Variants in CAMKK1 observed in about 807,000 individuals in gnomAD.
CAMKK1 encodes the protein calcium/calmodulin-dependent protein kinase kinase 1.
In CAMKK1, 20 loss-of-function variants were observed where a neutral mutation model predicts 63.5. The observed-to-expected ratio is 0.32, with a 90% confidence interval of 0.22 to 0.46. The LOEUF (loss-of-function observed/expected upper bound fraction) is 0.46, where lower values mean the gene tolerates loss of function less well. Among genes scored for constraint, CAMKK1 ranks in the 20% least tolerant of loss-of-function variants. CAMKK1 has a pLI of 1.00. For missense variants in CAMKK1, 588 were observed against 658.1 expected, an observed-to-expected ratio of 0.89 and a Z score of 1.17; for synonymous variants, 253 against 269.0, an observed-to-expected ratio of 0.94 and a Z score of 0.58.
chr17:3,865,842 T>C lies in CAMKK1; in HGVS notation c.1445+66A>G. The stretch of plus-strand genomic sequence containing the variant: ...CCCAACGACAGTGAGAGTGGGAGGA[T>C]GGGCCTCAGACCTCCCCACCCAACT... On this transcript the variant is annotated intron_variant, in intron 15 of 15. Transcript: ENST00000348335. 2.5e-6 allele frequency: 4 copies of C among 1,600,302 alleles called. No homozygotes were observed. The South Asian group carries it at 3.3e-5, about 13-fold the overall frequency.
intron 1 of CAMKK1, among the ~76,000 whole-genome samples, chr17:3,891,585 C>T (rs552558972): frequency 3.3e-5 from 5 of 152,154 alleles, no homozygotes; most frequent in Admixed American, 6.5e-5. Flanking sequence ...GGGAGGCTGA[C>T]GTGGCTGGAG....
In CAMKK1 at chr17:3,882,990, G is replaced by A. The variant is rs1305986239; in HGVS notation, c.648+52C>T. ...TAGGGGCTCCCCAGCACCAGAAGCG[G>A]CTCCCATGAGACTCAGGTGCTGGTT... is the stretch of plus-strand genomic sequence containing the variant. On this transcript the variant is annotated intron_variant, in intron 6 of 15. Transcript: ENST00000348335. The surrounding 1 kb of genome is among the most constrained non-coding windows in gnomAD (Gnocchi z 4.3). 4 of 1,602,248 alleles carry A rather than the reference G, an allele frequency of 2.5e-6. No individual in the cohort carries two copies. Among genetic ancestry groups the A allele is most frequent in the South Asian group, 1.1e-5 (1 of 90,142 alleles).
chr17:3,885,643 C>G lies in CAMKK1; in HGVS notation c.45G>C (p.Glu15Asp). ...CGATGGCTGCCACCCGTTCTACCAG[C>G]TCTGCCCGAGGATCCTGGCAGCAGA... ...PAVCCQDPRAELVERVAAIDV... is the reference protein window; with the variant it reads ...PAVCCQDPRADLVERVAAIDV... Residue 15 changes from glutamate to aspartate, a missense_variant, in exon 2 of 16, where the codon GAG becomes GAC. Glu to Asp is a conservative substitution (Grantham distance 45, BLOSUM62 2). Around this residue, in one of 3 missense-constraint regions of CAMKK1, gnomAD observed 357 missense variants for 407.4 expected, o/e 0.88. Transcript: ENST00000348335. 1 of 1,613,872 alleles carries G rather than the reference C, an allele frequency of 6.2e-7. No individual in the cohort carries two copies. The highest frequency in any genetic ancestry group is 8.5e-7 in the Non-Finnish European group (1 of 1,180,032).
chr17:3,884,562 G>C lies in CAMKK1; in HGVS notation c.361-135C>G, dbSNP rs2143881616. ...CCCCCAGGTCTCACCAAGCTTTTGA[G>C]TTTGGATGGGGAAGTTGGTGGTGCC... On this transcript the variant is annotated intron_variant, in intron 2 of 15. Coordinates refer to ENST00000348335, the MANE Select transcript of CAMKK1 (RefSeq NM_032294.3). The surrounding 1 kb of genome is among the most constrained non-coding windows in gnomAD (Gnocchi z 4.5). 1.4e-6 allele frequency: 1 copy of C among 734,848 alleles called. No individual in the cohort carries two copies. The highest frequency in any genetic ancestry group is 2.2e-6 in the Non-Finnish European group (1 of 459,628). 45.5% of individuals were successfully genotyped at this position (734,848 alleles called of 1,614,324 possible).
In CAMKK1 at chr17:3,881,073, C is replaced by T. The variant is rs9897177; in HGVS notation, c.707+554G>A. On this transcript the variant is annotated intron_variant, in intron 8 of 15. Coordinates refer to ENST00000348335, the MANE Select transcript of CAMKK1 (RefSeq NM_032294.3). ...GTGAGGGTCCCGGACCACCCAGCCC[C>T]GTGCTCATTACTCCATGTCATCTGC... Among the ~76,000 whole-genome samples the T allele has an allele frequency of 8.9e-3, 1,361 of 152,316 alleles. 6 individuals carry two copies. The highest frequency in any genetic ancestry group is 0.014 in the Non-Finnish European group (926 of 68,026).
In CAMKK1 at chr17:3,885,318, C is replaced by A; in HGVS notation, c.360+10G>T. Reference sequence around the variant, plus strand: ...GGCTCATGAACAACCCCTCGTTCTGCCCCACCAACCTCTGCATCTGAGATG... The same window carrying A: ...GGCTCATGAACAACCCCTCGTTCTGACCCACCAACCTCTGCATCTGAGATG... On this transcript the variant is annotated intron_variant, in intron 2 of 15. Coordinates refer to ENST00000348335, the MANE Select transcript of CAMKK1 (RefSeq NM_032294.3). The A allele has an allele frequency of 6.4e-7, 1 of 1,574,648 alleles. No homozygotes were observed.
At chr17:3,886,448 A>G (rs564907374) in intron 1 of CAMKK1, among the ~76,000 whole-genome samples, 1 of 152,300 alleles carries the variant, frequency 6.6e-6, no homozygotes, top group South Asian at 2.1e-4. Context: ...CCTGGCTAAC[A>G]TGGCAAAACT....
At chr17:3,877,505 G>A (rs1451391844) in intron 9 of CAMKK1, among the ~76,000 whole-genome samples, 4 of 152,116 alleles carry the variant, frequency 2.6e-5, no homozygotes, top group African/African-American at 7.2e-5. Context: ...CGCGACCATC[G>A]ACCTGTGGGC....
chr17:3,871,651 C>T (rs1292482356), intron 12 of CAMKK1, among the ~76,000 whole-genome samples: 7 of 147,844 alleles, frequency 4.7e-5, no homozygotes, highest in South Asian at 2.1e-4. Context: ...CCGCCGCACC[C>T]GGCCTTATTC....
chr17:3,884,342 C>T lies in CAMKK1; in HGVS notation c.408+38G>A. On this transcript the variant is annotated intron_variant, in intron 3 of 15. Transcript: ENST00000348335. The surrounding 1 kb of genome is among the most constrained non-coding windows in gnomAD (Gnocchi z 4.5). ...GAAGGAGCAGCGCCAAACAGAGAATCCCGAAGCCCCCACTGCTCTCGGCCT... is the reference window on the plus strand; with the variant it reads ...GAAGGAGCAGCGCCAAACAGAGAATTCCGAAGCCCCCACTGCTCTCGGCCT... The T allele has an allele frequency of 6.2e-7, 1 of 1,607,882 alleles. No individual in the cohort carries two copies. Among genetic ancestry groups the T allele is most frequent in the South Asian group, 1.1e-5 (1 of 90,888 alleles).
At chr17:3,880,734 A>C (rs1364902888) in intron 8 of CAMKK1, among the ~76,000 whole-genome samples, 1 of 151,296 alleles carries the variant, frequency 6.6e-6, no homozygotes, top group East Asian at 1.9e-4. Flanking sequence ...CAAACCGTGG[A>C]TCCAGACCCA....
Position 3,869,338 on chromosome 17 carries a change from G to A in CAMKK1, c.1341+149C>T, listed in dbSNP as rs533970725. ...CGACCACAAGACCTCCCTCTCCATGGGCCTCCAGCAGAATGGCGGCTCCAG... is the reference window on the plus strand; with the variant it reads ...CGACCACAAGACCTCCCTCTCCATGAGCCTCCAGCAGAATGGCGGCTCCAG... On this transcript the variant is annotated intron_variant, in intron 14 of 15. Coordinates refer to ENST00000348335, the MANE Select transcript of CAMKK1 (RefSeq NM_032294.3). The A allele has an allele frequency of 7.9e-5, 82 of 1,043,920 alleles. No individual in the cohort carries two copies. In the African/African-American group the frequency reaches 1.2e-3, roughly 16 times the overall value. 64.7% of individuals were successfully genotyped at this position (1,043,920 alleles called of 1,614,324 possible). A position where few individuals can be genotyped will look rare whatever the true frequency, so the allele number is the denominator to read the frequency against.
Position 3,872,734 on chromosome 17 carries a change from G to A in CAMKK1, c.1051-107C>T, listed in dbSNP as rs529281320. On this transcript the variant is annotated intron_variant, in intron 11 of 15. Coordinates refer to ENST00000348335, the MANE Select transcript of CAMKK1 (RefSeq NM_032294.3). ...GGGCAGGGGTAGGGGGCAGGTCTGG[G>A]CTCCCATTACATGAGAAGGACCTCA... 24 of 844,834 alleles carry A rather than the reference G, an allele frequency of 2.8e-5. No homozygotes were observed. In the South Asian group the frequency reaches 3.3e-4, roughly 12 times the overall value. 52.3% of individuals were successfully genotyped at this position (844,834 alleles called of 1,614,324 possible).
At position 3,869,696 on chromosome 17, in the gene CAMKK1, A is replaced by G; in HGVS notation, c.1213-81T>C. ...ACCTGGAGGGGTCCAAAGTCCACAG[A>G]CTCAAACCCAACACACATGCATCCT... On this transcript the variant is annotated intron_variant, in intron 13 of 15. Transcript: ENST00000348335. 2.5e-6 allele frequency: 4 copies of G among 1,607,030 alleles called. No homozygotes were observed. In the South Asian group the frequency reaches 4.4e-5, roughly 18 times the overall value.
In CAMKK1 at chr17:3,882,265, G is replaced by T; in HGVS notation, c.685+263C>A. The stretch of plus-strand genomic sequence containing the variant: ...CTGCTTCCTGCATCTACCTGAGCGC[G>T]CAGCCCACGTGGATCCACTGTCTTG... On this transcript the variant is annotated intron_variant, in intron 7 of 15. Transcript: ENST00000348335. This position sits in a 1 kb window ranked among gnomAD's most constrained non-coding sequence, Gnocchi z 4.3. The T allele has an allele frequency of 6.2e-7, 1 of 1,611,864 alleles. No homozygotes were observed. Among genetic ancestry groups the T allele is most frequent in the Non-Finnish European group, 8.5e-7 (1 of 1,178,440 alleles).
At chr17:3,869,112 G>A (rs1218934135) in intron 14 of CAMKK1, among the ~76,000 whole-genome samples, 4 of 151,484 alleles carry the variant, frequency 2.6e-5, no homozygotes, top group Admixed American at 6.6e-5. Flanking sequence ...GGGACTACAC[G>A]CGCCCGCCAC....
At chr17:3,878,501 G>A (rs1391228142) in intron 9 of CAMKK1, among the ~76,000 whole-genome samples, 1 of 152,212 alleles carries the variant, frequency 6.6e-6, no homozygotes, top group African/African-American at 2.4e-5. Context: ...GTACAGGATT[G>A]TGCCTGCCAC....
intron 14 of CAMKK1, among the ~76,000 whole-genome samples, chr17:3,868,149 G>A (rs1410278302): frequency 5.4e-5 from 1 of 18,430 alleles, no homozygotes; most frequent in African/African-American, 5.8e-4. Context: ...AGAAGCAGGC[G>A]CCGTCTAACT....
At chr17:3,872,719 A>T in intron 11 of CAMKK1, 92 bp from the exon 12 acceptor site, 2 of 1,042,934 alleles carry the variant, frequency 1.9e-6, no homozygotes, top group Non-Finnish European at 3.0e-6. Flanking sequence ...GGGCAGGGGT[A>T]GGGGGCAGGT....
Sources: gnomAD v4.1 joint callset for allele counts (sites outside exome capture counted in the v4.1 genomes callset) on GRCh38, gnomAD v4.1.1 for gene constraint, gnomAD v4.1.1 regional missense constraint, Gnocchi (gnomAD v3.1) non-coding constraint, MANE v1.5 for transcripts, NCBI Gene and HGNC (gene_info 2026-07-23, HGNC 2026-07-21) for gene names.